The following LIPI variants were observed in gnomAD, a reference collection of about 807,000 sequenced individuals.
The protein encoded by LIPI is lipase I.
Under a neutral mutation model 50.6 loss-of-function variants are expected in LIPI, and 59 were observed. That is an observed-to-expected ratio of 1.16 (90% CI 0.94 to 1.45). LIPI has a LOEUF of 1.45. Among genes scored for constraint, LIPI ranks in the 40% most tolerant of loss-of-function variants. LIPI has a pLI of 0.00. For missense variants in LIPI, 586 were observed against 536.3 expected (o/e 1.09, Z -0.92); for synonymous variants, 203 against 178.2 (o/e 1.14, Z -1.11).
At chr21:14,173,069 T>C (rs117690986) in intron 4 of LIPI, among the ~76,000 whole-genome samples, 3,990 of 152,112 alleles carry the variant, frequency 0.026, 65 homozygotes, top group Admixed American at 0.032. Flanking sequence ...AGTTATTTGG[T>C]TTAGGAATTT....
chr21:14,200,805 C>T (rs2020026557), intron 1 of LIPI, among the ~76,000 whole-genome samples: 1 of 151,848 alleles, frequency 6.6e-6, no homozygotes, highest in Non-Finnish European at 1.5e-5. Flanking sequence ...CCCAAATAGC[C>T]AAGGCAATCC....
chr21:14,117,913 G>C (rs1342821642), intron 9 of LIPI, among the ~76,000 whole-genome samples: 1 of 152,028 alleles, frequency 6.6e-6, no homozygotes, highest in Non-Finnish European at 1.5e-5. Flanking sequence ...GGTTGAAAGA[G>C]AGGCTGGATT....
chr21:14,196,774 C>T (rs1438260716), intron 1 of LIPI, among the ~76,000 whole-genome samples: 1 of 152,014 alleles, frequency 6.6e-6, no homozygotes, highest in African/African-American at 2.4e-5. Context: ...TGCAGTGAGC[C>T]ATGGTAGCAC....
At chr21:14,153,922 A>C (rs1272873616) in intron 7 of LIPI, among the ~76,000 whole-genome samples, 1 of 152,190 alleles carries the variant, frequency 6.6e-6, no homozygotes, top group Non-Finnish European at 1.5e-5. Context: ...TTAAGTTTAC[A>C]CTATTTATAT....
chr21:14,115,921 A>T (rs1002349037), intron 9 of LIPI, among the ~76,000 whole-genome samples: 2 of 152,032 alleles, frequency 1.3e-5, no homozygotes, highest in Non-Finnish European at 2.9e-5. Flanking sequence ...CACTGGAAAA[A>T]GGGAGAAAAT....
intron 7 of LIPI, among the ~76,000 whole-genome samples, chr21:14,160,055 C>T (rs757619893): frequency 1.3e-5 from 2 of 151,182 alleles, no homozygotes; most frequent in Non-Finnish European, 3.0e-5. Context: ...CAGCTCTCCC[C>T]GAATTGAAAG....
chr21:14,168,953 G>C (rs1350488858), intron 4 of LIPI, among the ~76,000 whole-genome samples: 2 of 151,074 alleles, frequency 1.3e-5, no homozygotes, highest in African/African-American at 4.9e-5. Flanking sequence ...TCAGTGTGCT[G>C]TATTCAGGAA....
intron 9 of LIPI, among the ~76,000 whole-genome samples, chr21:14,138,488 G>A (rs1444907935): frequency 6.6e-6 from 1 of 151,916 alleles, no homozygotes; most frequent in Non-Finnish European, 1.5e-5. Flanking sequence ...AGTGTGCAAG[G>A]CACTCAGACT....
chr21:14,143,789 A>AT (rs1174593808), intron 9 of LIPI: 3 of 152,438 alleles, frequency 2.0e-5, no homozygotes, highest in Non-Finnish European at 4.4e-5. Flanking sequence ...ATTCTTCTAC[A>AT]GCAAACATGT....
intron 4 of LIPI, among the ~76,000 whole-genome samples, chr21:14,172,464 C>T (rs2018948542): frequency 1.3e-5 from 2 of 151,926 alleles, no homozygotes; most frequent in Non-Finnish European, 2.9e-5. Context: ...TTGGAACCAA[C>T]CCAAATGTCC....
chr21:14,204,719 A>G (rs949883766), intron 1 of LIPI, among the ~76,000 whole-genome samples: 7 of 151,994 alleles, frequency 4.6e-5, no homozygotes, highest in African/African-American at 1.7e-4. Context: ...GTCAAAGGTG[A>G]TGGATTTTTA....
intron 8 of LIPI, among the ~76,000 whole-genome samples, chr21:14,147,384 C>T (rs183012000): frequency 7.9e-5 from 12 of 152,176 alleles, no homozygotes; most frequent in African/African-American, 2.9e-4. Flanking sequence ...TCTCATTATG[C>T]TACAAGCTTA....
chr21:14,131,117 A>T (rs927733356), intron 9 of LIPI, among the ~76,000 whole-genome samples: 49 of 151,908 alleles, frequency 3.2e-4, no homozygotes, highest in Admixed American at 3.2e-3. Flanking sequence ...CACCCGGCTA[A>T]TTTTTTGTAT....
rs542977916 is a variant in LIPI, at chr21:14,209,457, T to A, written c.46+1343A>T. Among the ~76,000 whole-genome samples the A allele has an allele frequency of 5.3e-5, 8 of 152,232 alleles. No individual in the cohort carries two copies. In the South Asian group the frequency reaches 1.0e-3, roughly 20 times the overall value. On this transcript the variant is annotated intron_variant, in intron 1 of 9. Coordinates refer to ENST00000681601, the MANE Select transcript of LIPI (RefSeq NM_001302998.2). ...AATAAACTACTGGAAATCAACAAAA[T>A]TTTTTAATCAAGTAGAGATTCAAGG...
chr21:14,134,806 A>G (rs2017429834), intron 9 of LIPI, among the ~76,000 whole-genome samples: 1 of 152,188 alleles, frequency 6.6e-6, no homozygotes. Flanking sequence ...TAAATTGAAC[A>G]CATAAACATA....
At chr21:14,175,818 A>G (rs1348778554) in intron 4 of LIPI, among the ~76,000 whole-genome samples, 1 of 152,088 alleles carries the variant, frequency 6.6e-6, no homozygotes, top group Non-Finnish European at 1.5e-5. Flanking sequence ...TTTTCTCTCC[A>G]AGAATTTATT....
intron 4 of LIPI, among the ~76,000 whole-genome samples, chr21:14,176,393 A>G (rs1057274688): frequency 1.3e-5 from 2 of 151,892 alleles, no homozygotes; most frequent in Non-Finnish European, 2.9e-5. Context: ...AGATGCTTAG[A>G]TTATTGATTT....
At chr21:14,193,963 A>G (rs189799676) in intron 1 of LIPI, among the ~76,000 whole-genome samples, 17 of 152,276 alleles carry the variant, frequency 1.1e-4, no homozygotes, top group Admixed American at 2.6e-4. Flanking sequence ...AAACAACCCA[A>G]TTAAAACTGG....
intron 9 of LIPI, among the ~76,000 whole-genome samples, chr21:14,109,467 C>T (rs772041938): frequency 3.9e-5 from 6 of 151,910 alleles, no homozygotes; most frequent in African/African-American, 7.2e-5. Flanking sequence ...CAAAGTTTGC[C>T]GAAGCAATTT....
Sources: gnomAD v4.1 joint callset for allele counts (sites outside exome capture counted in the v4.1 genomes callset) on GRCh38, gnomAD v4.1.1 for gene constraint, MANE v1.5 for transcripts, NCBI Gene and HGNC (gene_info 2026-07-23, HGNC 2026-07-21) for gene names.